The following HIC1 variants were observed in gnomAD, a reference collection of about 807,000 sequenced individuals.
HIC1 encodes the protein hypermethylated in cancer 1 protein.
In HIC1, 9 loss-of-function variants were observed where a neutral mutation model predicts 26.4. The ratio of observed to expected loss-of-function variants is 0.34; its 90% confidence interval spans 0.21 to 0.59. HIC1 has a LOEUF of 0.59. HIC1 is among the 20% of genes least tolerant of loss of function. The probability of loss-of-function intolerance (pLI) is 0.82; values close to 1 mark genes in which losing one functional copy is unlikely to be tolerated. For missense variants in HIC1, 965 were observed against 1,075.7 expected, an observed-to-expected ratio of 0.90 and a Z score of 1.44; for synonymous variants, 631 against 523.1, an observed-to-expected ratio of 1.21 and a Z score of -2.81.
In HIC1 at chr17:2,055,580, AGC is replaced by A. The variant is rs1251580255; in HGVS notation, c.-21+343_-21+344del. Among the ~76,000 whole-genome samples the A allele has an allele frequency of 1.4e-5, 2 of 146,444 alleles. No homozygotes were observed. Among genetic ancestry groups the A allele is most frequent in the African/African-American group, 5.1e-5 (2 of 39,268 alleles). The stretch of plus-strand genomic sequence containing the variant: ...AGCGGCGGGTGGGGCATCGGCTAAG[AGC>A]TGCCACCGCCGCGGGGAGGGGAGCC... On this transcript the variant is annotated intron_variant, in intron 1 of 1. Transcript: ENST00000619757. The surrounding 1 kb of genome is among the most constrained non-coding windows in gnomAD (Gnocchi z 6.4).
chr17:2,057,302 C>G lies in HIC1; in HGVS notation c.612C>G (p.Pro204=). ...THCAELYASG[P]GPAAALCASE... ...GCGCCGAGCTGTACGCGTCGGGACC[C>G]GGCCCGGCCGCCGCACTCTGTGCCT... The change falls in exon 2 of 2, where the codon CCC becomes CCG. Residue 204 remains proline (P), a synonymous_variant. Coordinates refer to ENST00000619757, the MANE Select transcript of HIC1 (RefSeq NM_006497.4). 6.7e-7 allele frequency: 1 copy of G among 1,495,310 alleles called. No individual in the cohort carries two copies. Among genetic ancestry groups the G allele is most frequent in the Non-Finnish European group, 8.8e-7 (1 of 1,130,748 alleles). The allele number at this position is 1,495,310 out of a possible 1,614,324, so 92.6% of individuals were successfully genotyped here. A position where few individuals can be genotyped will look rare whatever the true frequency, so the allele number is the denominator to read the frequency against.
At position 2,055,617 on chromosome 17, in the gene HIC1, G is replaced by A. The variant is rs1597300653; in HGVS notation, c.-21+379G>A. On this transcript the variant is annotated intron_variant, in intron 1 of 1. Coordinates refer to ENST00000619757, the MANE Select transcript of HIC1 (RefSeq NM_006497.4). This position sits in a 1 kb window ranked among gnomAD's most constrained non-coding sequence, Gnocchi z 6.4. ...CGCGGGGAGGGGAGCCCGGCCCGCC[G>A]GGACCGCAGGTAACGGGCCGCGGGG... Among the ~76,000 whole-genome samples, 1 of 150,814 alleles carries A rather than the reference G, an allele frequency of 6.6e-6. No homozygotes were observed. Among genetic ancestry groups the A allele is most frequent in the African/African-American group, 2.4e-5 (1 of 41,194 alleles).
chr17:2,058,684 C>G lies in HIC1; in HGVS notation c.1994C>G (p.Pro665Arg), dbSNP rs1261928101. 5 of 1,554,582 alleles carry G rather than the reference C, an allele frequency of 3.2e-6. No homozygotes were observed. The highest frequency in any genetic ancestry group is 2.4e-5 in the East Asian group (1 of 41,106). The part of the protein sequence containing the change: ...LAQTTHFLHD[P>R]KVALESLYPL... ...CAGACCACGCACTTCCTGCACGACC[C>G]CAAGGTGGCGCTGGAGAGCCTCTAC... The change falls in exon 2 of 2, where the codon CCC (proline) becomes CGC (arginine). Residue 665 changes from proline to arginine, a missense_variant. Pro to Arg is a moderately radical substitution (Grantham distance 103). This residue lies in a region of HIC1 where 210 missense variants were observed against 179.2 expected (regional missense o/e 1.17). Transcript: ENST00000619757.
rs757352188 is a variant in HIC1, at chr17:2,057,281, C to G, written c.591C>G (p.Ala197=). The G allele has an allele frequency of 2.0e-6, 3 of 1,481,008 alleles. No individual in the cohort carries two copies. In the Admixed American group the frequency reaches 6.9e-5, roughly 34 times the overall value. 91.7% of individuals were successfully genotyped at this position (1,481,008 alleles called of 1,614,324 possible). ...AGGCCGCGGTCAACACGCACTGCGC[C>G]GAGCTGTACGCGTCGGGACCCGGCC... The part of the protein sequence containing the change: ...GPEAAVNTHC[A]ELYASGPGPA... Residue 197 remains alanine, a synonymous_variant, in exon 2 of 2, where the codon GCC becomes GCG. Coordinates refer to ENST00000619757, the MANE Select transcript of HIC1 (RefSeq NM_006497.4).
At chr17:2,056,109 G>C (rs2067669759) in intron 1 of HIC1, 2 of 273,592 alleles carry the variant, frequency 7.3e-6, no homozygotes, top group Non-Finnish European at 1.4e-5. Context: ...CGCCACGGCA[G>C]CCGCTGCCTC....
Position 2,057,051 on chromosome 17 carries a change from G to A in HIC1, c.361G>A (p.Asp121Asn), listed in dbSNP as rs1402054828. ...CGCCGCCAGCTACCTGCAGATCCCC[G>A]ACCTCGTGGCGCTGTGCAAGAAACG... ...LAAASYLQIP[D>N]LVALCKKRLK... Residue 121 changes from aspartate to asparagine, a missense_variant, in exon 2 of 2, where the codon GAC becomes AAC. Coordinates refer to ENST00000619757, the MANE Select transcript of HIC1 (RefSeq NM_006497.4). 1 of 1,485,942 alleles carries A rather than the reference G, an allele frequency of 6.7e-7. No homozygotes were observed. The highest frequency in any genetic ancestry group is 8.9e-7 in the Non-Finnish European group (1 of 1,123,568). 92.0% of individuals were successfully genotyped at this position (1,485,942 alleles called of 1,614,324 possible).
At position 2,057,242 on chromosome 17, in the gene HIC1, G is replaced by A; in HGVS notation, c.552G>A (p.Pro184=). The A allele has an allele frequency of 1.4e-6, 2 of 1,429,502 alleles. No individual in the cohort carries two copies. Among genetic ancestry groups the A allele is most frequent in the South Asian group, 1.4e-5 (1 of 73,824 alleles). The allele number at this position is 1,429,502 out of a possible 1,614,324, so 88.6% of individuals were successfully genotyped here. The change falls in exon 2 of 2, where the codon CCG becomes CCA. Residue 184 remains proline, a synonymous_variant. Coordinates refer to ENST00000619757, the MANE Select transcript of HIC1 (RefSeq NM_006497.4). ...CTCCGCCGCCGCCTGCCGCGGAGCC[G>A]CCCTCGGGCCCAGAGGCCGCGGTCA... The part of the protein sequence containing the change: ...VGPPPPPAAE[P]PSGPEAAVNT...
rs2067695292 is a variant in HIC1 at position 2,058,328 on chromosome 17, C to T, written c.1638C>T (p.Cys546=). The change falls in exon 2 of 2, where the codon TGC becomes TGT. Residue 546 remains cysteine (C), a synonymous_variant. Coordinates refer to ENST00000619757, the MANE Select transcript of HIC1 (RefSeq NM_006497.4). ...RSHLGLKPFA[C]DACGMRFTRQ... is the part of the protein sequence containing the mutation. ...ACCTGGGCCTCAAGCCCTTCGCGTG[C>T]GACGCGTGCGGCATGCGGTTCACGC... The T allele has an allele frequency of 1.2e-6, 2 of 1,609,078 alleles. No homozygotes were observed. The highest frequency in any genetic ancestry group is 2.2e-5 in the East Asian group (1 of 44,668).
rs532040063 is a variant in HIC1, at chr17:2,062,330, G to A, written c.*3495G>A. On this transcript the variant is annotated 3_prime_UTR_variant, in exon 2 of 2. Coordinates refer to ENST00000619757, the MANE Select transcript of HIC1 (RefSeq NM_006497.4). ...CCAGTTCTCCGTCTTGTACCCCAGGGAAGACCTGTGTATCCTTCCAGGTTT... is the reference window on the plus strand; with the variant it reads ...CCAGTTCTCCGTCTTGTACCCCAGGAAAGACCTGTGTATCCTTCCAGGTTT... 6.6e-6 allele frequency: 1 copy of A among 152,348 alleles called. No homozygotes were observed. The highest frequency in any genetic ancestry group is 1.9e-4 in the East Asian group (1 of 5,192). The allele number at this position is 152,348 out of a possible 1,614,324, so 9.4% of individuals were successfully genotyped here.
chr17:2,061,632 TGA>T lies in HIC1; in HGVS notation c.*2803_*2804del, dbSNP rs1202209340. On this transcript the variant is annotated 3_prime_UTR_variant, in exon 2 of 2. Coordinates refer to ENST00000619757, the MANE Select transcript of HIC1 (RefSeq NM_006497.4). ...AGCCGGATTGGCTCCTCTGTGGGCA[TGA>T]GAGAGCAGAAGGCTGTCACTGAGGA... The T allele has an allele frequency of 7.0e-6, 11 of 1,567,476 alleles. No individual in the cohort carries two copies. The East Asian group carries it at 2.4e-4, about 34-fold the overall frequency.
intron 1 of HIC1, chr17:2,056,313 ACT>A (rs774076658): frequency 7.2e-5 from 116 of 1,613,186 alleles, no homozygotes; most frequent in Non-Finnish European, 8.6e-5. Context: ...GCCCTGAATG[ACT>A]TTTCCTGAAG....
chr17:2,058,089 T>A lies in HIC1; in HGVS notation c.1399T>A (p.Phe467Ile). 1 of 1,590,030 alleles carries A rather than the reference T, an allele frequency of 6.3e-7. No individual in the cohort carries two copies. The highest frequency in any genetic ancestry group is 8.5e-7 in the Non-Finnish European group (1 of 1,171,106). The change falls in exon 2 of 2, where the codon TTT becomes ATT. Residue 467 changes from phenylalanine to isoleucine, a missense_variant. Phe to Ile is a conservative substitution (Grantham distance 21). Transcript: ENST00000619757. ...TGGGGCCGCCGGCCTAGGGCCCCCT[T>A]TTGGAGGCGGCGGGGACAAGGTCGC... ...AAGAAGLGPP[F>I]GGGGDKVAGA...
rs770712220 is a variant in HIC1, at chr17:2,058,385, C to A, written c.1695C>A (p.Ile565=). Residue 565 remains isoleucine, a synonymous_variant, in exon 2 of 2, where the codon ATC becomes ATA. Transcript: ENST00000619757. Reference sequence around the variant, plus strand: ...ACCGCCTCACGGAGCACATGCGCATCCACTCGGGCGAGAAGCCCTACGAGT... The same window carrying A: ...ACCGCCTCACGGAGCACATGCGCATACACTCGGGCGAGAAGCCCTACGAGT... ...RQYRLTEHMR[I]HSGEKPYECQ... is the part of the protein sequence containing the mutation. The A allele has an allele frequency of 6.2e-7, 1 of 1,610,922 alleles. No individual in the cohort carries two copies. Among genetic ancestry groups the A allele is most frequent in the Non-Finnish European group, 8.5e-7 (1 of 1,179,070 alleles).
rs765840182 is a variant in HIC1, at chr17:2,058,628, G to A, written c.1938G>A (p.Gln646=). 5 of 1,565,078 alleles carry A rather than the reference G, an allele frequency of 3.2e-6. No homozygotes were observed. The highest frequency in any genetic ancestry group is 4.3e-6 in the Non-Finnish European group (5 of 1,162,540). The change falls in exon 2 of 2, where the codon CAG becomes CAA. Residue 646 remains glutamine (Q), a synonymous_variant. Transcript: ENST00000619757. ...CCGAGCAGCTGAGCCTGAAGCAGCA[G>A]GACAAGGCGGCCGCGGCCGAGCTGC... is the stretch of plus-strand genomic sequence containing the variant. ...LTAEQLSLKQ[Q]DKAAAAELLA... is the part of the protein sequence containing the mutation.
Position 2,061,937 on chromosome 17 carries a change from G to C in HIC1, c.*3102G>C. ...ACTGAGGGAATAGAAGCAGCCCCTT[G>C]ACCTCTACTCCTTTTTACCACATGG... On this transcript the variant is annotated 3_prime_UTR_variant, in exon 2 of 2. Transcript: ENST00000619757. 1 of 272,772 alleles carries C rather than the reference G, an allele frequency of 3.7e-6. No individual in the cohort carries two copies. Among genetic ancestry groups the C allele is most frequent in the South Asian group, 4.4e-5 (1 of 22,644 alleles). The allele number at this position is 272,772 out of a possible 1,614,324, so 16.9% of individuals were successfully genotyped here.
rs1459722901 is a variant in HIC1, at chr17:2,058,685, C to T, written c.1995C>T (p.Pro665=). 1.3e-6 allele frequency: 2 copies of T among 1,553,670 alleles called. No individual in the cohort carries two copies. Among genetic ancestry groups the T allele is most frequent in the South Asian group, 1.2e-5 (1 of 84,362 alleles). ...AGACCACGCACTTCCTGCACGACCC[C>T]AAGGTGGCGCTGGAGAGCCTCTACC... ...LAQTTHFLHD[P]KVALESLYPL... is the part of the protein sequence containing the mutation. The change falls in exon 2 of 2, where the codon CCC becomes CCT. Residue 665 remains proline (P), a synonymous_variant. Transcript: ENST00000619757.
chr17:2,057,095 G>A lies in HIC1; in HGVS notation c.405G>A (p.Lys135=). The A allele has an allele frequency of 7.3e-7, 1 of 1,367,258 alleles. No homozygotes were observed. The highest frequency in any genetic ancestry group is 1.5e-5 in the African/African-American group (1 of 65,446). The allele number at this position is 1,367,258 out of a possible 1,614,324, so 84.7% of individuals were successfully genotyped here. ...LCKKRLKRHG[K]YCHLRGGGGG... is the part of the protein sequence containing the mutation. ...AGAAACGCCTCAAGCGCCACGGCAA[G>A]TACTGCCACCTGCGGGGCGGCGGCG... The change falls in exon 2 of 2, where the codon AAG becomes AAA. Residue 135 remains lysine, a synonymous_variant. Coordinates refer to ENST00000619757, the MANE Select transcript of HIC1 (RefSeq NM_006497.4).
chr17:2,057,556 G>T lies in HIC1; in HGVS notation c.866G>T (p.Arg289Leu), dbSNP rs978348590. The change falls in exon 2 of 2, where the codon CGC becomes CTC. Residue 289 changes from arginine to leucine, a missense_variant. By Grantham distance (102) the Arg-to-Leu change is moderately radical (BLOSUM62 -2). Coordinates refer to ENST00000619757, the MANE Select transcript of HIC1 (RefSeq NM_006497.4). ...EEAAPPSDPF[R>L]GGSGSPGPEP... ...GCCGCACCGCCTTCCGACCCATTTCGCGGCGGCAGCGGCAGCCCGGGACCC... is the reference window on the plus strand; with the variant it reads ...GCCGCACCGCCTTCCGACCCATTTCTCGGCGGCAGCGGCAGCCCGGGACCC... The T allele has an allele frequency of 1.7e-5, 26 of 1,500,112 alleles. No homozygotes were observed. In the Admixed American group the frequency reaches 4.1e-4, roughly 24 times the overall value. The allele number at this position is 1,500,112 out of a possible 1,614,324, so 92.9% of individuals were successfully genotyped here.
chr17:2,059,000 C>CCTTA lies in HIC1; in HGVS notation c.*166_*169dup. On this transcript the variant is annotated 3_prime_UTR_variant, in exon 2 of 2. Coordinates refer to ENST00000619757, the MANE Select transcript of HIC1 (RefSeq NM_006497.4). ...CCTCACCTGGCCTCACTGCTTCGTG[C>CCTTA]CTTAGCTCGGGGGTCGGGGGAGAAC... 1.7e-6 allele frequency: 1 copy of CCTTA among 589,494 alleles called. No homozygotes were observed. Among genetic ancestry groups the CCTTA allele is most frequent in the Admixed American group, 4.3e-5 (1 of 23,028 alleles). The allele number at this position is 589,494 out of a possible 1,614,324, so 36.5% of individuals were successfully genotyped here. A position where few individuals can be genotyped will look rare whatever the true frequency, so the allele number is the denominator to read the frequency against.
Sources: allele counts gnomAD v4.1 joint callset (sites outside exome capture counted in the v4.1 genomes callset), GRCh38; gene constraint gnomAD v4.1.1; regional missense constraint gnomAD v4.1.1; non-coding constraint Gnocchi (gnomAD v3.1); transcripts MANE v1.5; gene names NCBI Gene and HGNC (gene_info 2026-07-23, HGNC 2026-07-21).